SUSD1: variants seen among roughly 807,000 people sequenced by gnomAD.
The protein encoded by SUSD1 is sushi domain-containing protein 1.
SUSD1 carries 65 observed loss-of-function variants against 86.9 expected under a neutral mutation model. The observed-to-expected ratio is 0.75, with a 90% confidence interval of 0.61 to 0.92. The LOEUF is 0.92. SUSD1 is among the 40% of genes least tolerant of loss of function. SUSD1 has a pLI of 0.00. For missense variants in SUSD1, 850 were observed against 929.7 expected (o/e 0.91, Z 1.11); for synonymous variants, 346 against 350.0 (o/e 0.99, Z 0.13).
chr9:112,049,561 G>A (rs1208098609), intron 15 of SUSD1, among the ~76,000 whole-genome samples: 2 of 152,206 alleles, frequency 1.3e-5, no homozygotes. Flanking sequence ...ATATGCAAAA[G>A]GTAAATAGCA....
At chr9:112,065,545 C>G (rs78090261) in intron 12 of SUSD1, among the ~76,000 whole-genome samples, 1 of 152,082 alleles carries the variant, frequency 6.6e-6, no homozygotes, top group Non-Finnish European at 1.5e-5. Context: ...AATAAAAACA[C>G]TGAATCCCCA....
Position 112,113,210 on chromosome 9 carries a change from G to A in SUSD1, c.887-342C>T, listed in dbSNP as rs955552972. Among the ~76,000 whole-genome samples, 3 of 152,174 alleles carry A rather than the reference G, an allele frequency of 2.0e-5. No individual in the cohort carries two copies. The highest frequency in any genetic ancestry group is 7.2e-5 in the African/African-American group (3 of 41,442). On this transcript the variant is annotated intron_variant, in intron 6 of 16. Transcript: ENST00000374270. This position sits in a 1 kb window ranked among gnomAD's most constrained non-coding sequence, Gnocchi z 4.1. ...AGGCCCAGAGCTGGGTCCTCAGTGA[G>A]ACCTTCCCTGCAACTGCACAGGTAA...
chr9:112,135,836 C>T lies in SUSD1; in HGVS notation c.706+6484G>A, dbSNP rs947582285. ...AGGGCCAAGGGCTTTATTCATTATC[C>T]GATTAAATCTTCACAATAGCTCTAA... On this transcript the variant is annotated intron_variant, in intron 5 of 16. Transcript: ENST00000374270. Among the ~76,000 whole-genome samples, 6 of 152,286 alleles carry T rather than the reference C, an allele frequency of 3.9e-5. No individual in the cohort carries two copies. The South Asian group carries it at 8.3e-4, about 21-fold the overall frequency.
intron 5 of SUSD1, among the ~76,000 whole-genome samples, chr9:112,129,932 A>G (rs1188194784): frequency 1.3e-5 from 2 of 152,248 alleles, no homozygotes; most frequent in African/African-American, 4.8e-5. Context: ...CAGGACAGAC[A>G]TTACTTCCAT....
chr9:112,126,786 T>C (rs996649427), intron 5 of SUSD1, among the ~76,000 whole-genome samples: 22 of 152,288 alleles, frequency 1.4e-4, no homozygotes, highest in African/African-American at 5.3e-4. Flanking sequence ...CTCTTGGTAT[T>C]CAAATTTCTA....
At chr9:112,127,795 GA>G in intron 5 of SUSD1, among the ~76,000 whole-genome samples, 1 of 152,262 alleles carries the variant, frequency 6.6e-6, no homozygotes, top group East Asian at 1.9e-4. Flanking sequence ...ATAGGATGGG[GA>G]AAACTTCCAT....
intron 10 of SUSD1, among the ~76,000 whole-genome samples, chr9:112,086,553 A>G (rs1463403695): frequency 7.7e-6 from 1 of 130,510 alleles, no homozygotes; most frequent in Admixed American, 7.4e-5. Flanking sequence ...AAAGAAAGAA[A>G]GAAAGAAAGA....
chr9:112,138,682 T>A (rs1832426602), intron 5 of SUSD1, among the ~76,000 whole-genome samples: 3 of 152,136 alleles, frequency 2.0e-5, no homozygotes, highest in African/African-American at 7.2e-5. Context: ...ACTCCTGACC[T>A]CGTGATCAGC....
chr9:112,089,981 CTATT>C (rs1830141878), intron 10 of SUSD1, among the ~76,000 whole-genome samples: 1 of 151,944 alleles, frequency 6.6e-6, no homozygotes, highest in South Asian at 2.1e-4. Flanking sequence ...TCCAGTAAAA[CTATT>C]TATGAAAACA....
chr9:112,085,871 T>A (rs1356352333), intron 10 of SUSD1, among the ~76,000 whole-genome samples: 2 of 152,068 alleles, frequency 1.3e-5, no homozygotes, highest in Non-Finnish European at 2.9e-5. Flanking sequence ...AAACAACATA[T>A]GCAGTAAGCC....
intron 12 of SUSD1, among the ~76,000 whole-genome samples, chr9:112,077,499 CTTTTTTTTTTTTTTTTTT>C (rs869259276): frequency 1.5e-5 from 1 of 66,404 alleles, no homozygotes; most frequent in South Asian, 6.0e-4. Context: ...TAGTAATCTA[CTTTTTTTTTTTTTTTTTT>C]TTTTTTTTTT....
intron 2 of SUSD1, among the ~76,000 whole-genome samples, chr9:112,154,404 C>T (rs1833205207): frequency 6.6e-6 from 1 of 151,552 alleles, no homozygotes; most frequent in African/African-American, 2.4e-5. Context: ...GTCCCAGATA[C>T]TCAGGAGCTG....
chr9:112,118,517 C>T (rs569405433), intron 6 of SUSD1, among the ~76,000 whole-genome samples: 5 of 152,062 alleles, frequency 3.3e-5, no homozygotes, highest in Non-Finnish European at 4.4e-5. Context: ...CGGAGTCTTG[C>T]GCTGTAGCCC....
chr9:112,064,045 TTG>T (rs1491480629), intron 12 of SUSD1, among the ~76,000 whole-genome samples: 2 of 31,570 alleles, frequency 6.3e-5, no homozygotes, highest in African/African-American at 2.9e-4. Flanking sequence ...CTTTCTTTTT[TTG>T]GGGGGGGGGC....
At chr9:112,046,321 A>C (rs528021081) in intron 15 of SUSD1, among the ~76,000 whole-genome samples, 1 of 152,316 alleles carries the variant, frequency 6.6e-6, no homozygotes, top group African/African-American at 2.4e-5. Flanking sequence ...CATGCCAGAG[A>C]ACCATGTTTA....
intron 3 of SUSD1, among the ~76,000 whole-genome samples, chr9:112,144,046 C>T (rs971712259): frequency 2.0e-5 from 3 of 152,104 alleles, no homozygotes; most frequent in Non-Finnish European, 2.9e-5. Flanking sequence ...TCGAGACCAG[C>T]CTGGCCAACA....
intron 10 of SUSD1, among the ~76,000 whole-genome samples, chr9:112,082,275 A>G (rs1166534436): frequency 6.6e-6 from 1 of 152,208 alleles, no homozygotes; most frequent in Non-Finnish European, 1.5e-5. Context: ...AAGAACAAGT[A>G]TGGTAGGTTA....
At chr9:112,142,685 C>T (rs1045405278) in intron 4 of SUSD1, 186 bp from the exon 5 acceptor site, 4 of 577,146 alleles carry the variant, frequency 6.9e-6, no homozygotes, top group Non-Finnish European at 8.8e-6. Flanking sequence ...AATCTTTTGG[C>T]CTTCCATAGG....
chr9:112,124,258 T>C lies in SUSD1; in HGVS notation c.885A>G (p.Thr295=). The change falls in exon 6 of 17, where the codon ACA becomes ACG. Residue 295 remains threonine, a splice_region_variant and synonymous_variant. Transcript: ENST00000374270. ...AGGAGCCCAGAACAGAATCTGTACC[T>C]GTGCATGTTAAAGTACTTTCTCTCC... ...GTWRESTLTC[T]EILTKINDVS... is the part of the protein sequence containing the mutation. The C allele has an allele frequency of 6.2e-7, 1 of 1,612,384 alleles. No homozygotes were observed.
Sources: gnomAD v4.1 joint callset for allele counts (sites outside exome capture counted in the v4.1 genomes callset) on GRCh38, gnomAD v4.1.1 for gene constraint, Gnocchi (gnomAD v3.1) non-coding constraint, MANE v1.5 for transcripts, NCBI Gene and HGNC (gene_info 2026-07-23, HGNC 2026-07-21) for gene names.